Variants in INPP4B observed in about 807,000 individuals in gnomAD.
The protein encoded by INPP4B is inositol polyphosphate 4-phosphatase type II.
INPP4B carries 55 observed loss-of-function variants against 122.5 expected under a neutral mutation model. The ratio of observed to expected loss-of-function variants is 0.45; its 90% CI spans 0.36 to 0.56. The LOEUF (loss-of-function observed/expected upper bound fraction) is 0.56. Ranked by LOEUF, INPP4B falls within the 20% of genes least tolerant of loss-of-function variation. The probability of loss-of-function intolerance (pLI) is 0.00; values close to 1 mark genes in which losing one functional copy is unlikely to be tolerated. For missense variants in INPP4B, 1,000 were observed against 1,097.7 expected, an observed-to-expected ratio of 0.91 and a Z score of 1.26; for synonymous variants, 403 against 388.7, an observed-to-expected ratio of 1.04 and a Z score of -0.43.
At chr4:142,101,847 T>G (rs540003590) in intron 23 of INPP4B, among the ~76,000 whole-genome samples, 14 of 152,208 alleles carry the variant, frequency 9.2e-5, no homozygotes, top group African/African-American at 3.4e-4. Flanking sequence ...TCTGGAAAAA[T>G]TATCTTGATG....
chr4:142,234,372 C>T (rs1378490268), intron 12 of INPP4B, among the ~76,000 whole-genome samples: 2 of 152,092 alleles, frequency 1.3e-5, no homozygotes, highest in African/African-American at 4.8e-5. Flanking sequence ...TTTAAAATTT[C>T]ATTATTTAGT....
At chr4:142,491,448 G>T (rs975830453) in intron 2 of INPP4B, among the ~76,000 whole-genome samples, 36 of 152,136 alleles carry the variant, frequency 2.4e-4, no homozygotes, top group African/African-American at 8.4e-4. Flanking sequence ...GAGGTCAGGA[G>T]TTCAAGACCA....
chr4:142,247,883 A>G (rs1320756553), intron 11 of INPP4B, among the ~76,000 whole-genome samples: 1 of 152,174 alleles, frequency 6.6e-6, no homozygotes, highest in Non-Finnish European at 1.5e-5. Context: ...ATCTTTCTCA[A>G]AGAAAGAAAA....
intron 2 of INPP4B, among the ~76,000 whole-genome samples, chr4:142,598,345 A>T (rs1739153711): frequency 6.6e-6 from 1 of 152,220 alleles, no homozygotes; most frequent in Non-Finnish European, 1.5e-5. Flanking sequence ...GCATTATACC[A>T]GACAGGGAAC....
chr4:142,611,630 C>CT (rs1560863610), intron 2 of INPP4B, among the ~76,000 whole-genome samples: 2 of 90,736 alleles, frequency 2.2e-5, no homozygotes, highest in African/African-American at 4.1e-5. Flanking sequence ...TCTGTTTTTT[C>CT]TTTTTTCTTT....
chr4:142,029,556 A>G, intron 25 of INPP4B: 1 of 985,680 alleles, frequency 1.0e-6, no homozygotes, highest in Non-Finnish European at 1.2e-6. Flanking sequence ...TGAAAGCCAA[A>G]TCAACCCAAA....
At chr4:142,826,290 G>C (rs528338460) in intron 1 of INPP4B, among the ~76,000 whole-genome samples, 2 of 152,204 alleles carry the variant, frequency 1.3e-5, no homozygotes, top group African/African-American at 4.8e-5. Context: ...AAGTTTCATA[G>C]GCCATGTTCT....
intron 2 of INPP4B, among the ~76,000 whole-genome samples, chr4:142,625,046 G>A (rs1746009916): frequency 6.7e-6 from 1 of 149,888 alleles, no homozygotes; most frequent in Non-Finnish European, 1.5e-5. Context: ...GCAAAAACTG[G>A]AAGCATTCCC....
At chr4:142,695,237 T>C (rs1253994534) in intron 2 of INPP4B, among the ~76,000 whole-genome samples, 1 of 152,174 alleles carries the variant, frequency 6.6e-6, no homozygotes, top group Non-Finnish European at 1.5e-5. Context: ...AATAAAGTTC[T>C]AAAACTGAGT....
At chr4:142,123,193 TA>T (rs879392787) in intron 20 of INPP4B, 98 bp downstream of exon 20, 5 of 1,011,426 alleles carry the variant, frequency 4.9e-6, no homozygotes, top group African/African-American at 1.7e-5. Flanking sequence ...CTTGGCACAA[TA>T]AAGGTTTACT....
chr4:142,824,320 C>CTATCTATCTA (rs144312014), intron 1 of INPP4B, among the ~76,000 whole-genome samples: 21 of 123,426 alleles, frequency 1.7e-4, no homozygotes, highest in African/African-American at 8.1e-4. Flanking sequence ...ATCTATCTAT[C>CTATCTATCTA]TCTATCTCTA....
intron 21 of INPP4B, among the ~76,000 whole-genome samples, chr4:142,115,780 CATA>C (rs1792954124): frequency 6.6e-6 from 1 of 152,142 alleles, no homozygotes; most frequent in Non-Finnish European, 1.5e-5. Flanking sequence ...CAGCTAACAT[CATA>C]ATGACAGGAT....
At chr4:142,262,058 T>A (rs560497020) in intron 10 of INPP4B, among the ~76,000 whole-genome samples, 8 of 152,310 alleles carry the variant, frequency 5.3e-5, no homozygotes, top group African/African-American at 1.9e-4. Context: ...TAGAATGATG[T>A]TCAATGATAC....
chr4:142,247,252 T>C (rs1293037023), intron 11 of INPP4B, among the ~76,000 whole-genome samples: 2 of 152,156 alleles, frequency 1.3e-5, no homozygotes, highest in African/African-American at 4.8e-5. Flanking sequence ...GGCCTGAAAT[T>C]TTCTTTTTTT....
intron 2 of INPP4B, among the ~76,000 whole-genome samples, chr4:142,701,144 A>C (rs1488342642): frequency 6.6e-6 from 1 of 152,052 alleles, no homozygotes; most frequent in East Asian, 1.9e-4. Flanking sequence ...TCTGCTTGCC[A>C]CTCCTGGAGC....
chr4:142,193,488 G>C (rs1185767234), intron 14 of INPP4B, among the ~76,000 whole-genome samples: 2 of 152,010 alleles, frequency 1.3e-5, no homozygotes, highest in Admixed American at 6.6e-5. Context: ...TACTTACTGA[G>C]ATAACATGTT....
chr4:142,059,457 A>G (rs1390989), intron 25 of INPP4B, among the ~76,000 whole-genome samples: 121,418 of 152,042 alleles, frequency 0.8, 51,267 homozygotes, highest in Non-Finnish European at 0.92. Context: ...ATGTATCTGT[A>G]TGTGATTCTC....
intron 14 of INPP4B, 106 bp from the exon 15 acceptor site, chr4:142,193,301 G>T: frequency 1.5e-6 from 1 of 647,050 alleles, no homozygotes; most frequent in Non-Finnish European, 2.7e-6. Context: ...AAATTATTCT[G>T]TTTAATTTTT....
intron 2 of INPP4B, among the ~76,000 whole-genome samples, chr4:142,563,792 C>A (rs979386199): frequency 5.9e-5 from 9 of 152,132 alleles, no homozygotes; most frequent in African/African-American, 2.2e-4. Flanking sequence ...AACCCGCCAC[C>A]TCCATTTGCA....
Sources: gnomAD v4.1 joint callset for allele counts (sites outside exome capture counted in the v4.1 genomes callset) on GRCh38, gnomAD v4.1.1 for gene constraint, MANE v1.5 for transcripts, NCBI Gene and HGNC (gene_info 2026-07-23, HGNC 2026-07-21) for gene names.